Variants in ERCC1 observed in about 807,000 individuals in gnomAD.
ERCC1 encodes ERCC excision repair 1, endonuclease non-catalytic subunit, also known as DNA excision repair protein ERCC-1.
Under a neutral mutation model 37.6 loss-of-function variants are expected in ERCC1, and 36 were observed. The ratio of observed to expected loss-of-function variants is 0.96; its 90% CI spans 0.73 to 1.26. The LOEUF (loss-of-function observed/expected upper bound fraction) is 1.26, where lower values mean the gene tolerates loss of function less well. ERCC1 is among the 50% of genes most tolerant of loss of function. The pLI, the probability that ERCC1 is intolerant of heterozygous loss-of-function variation, is 0.00. For synonymous variants in ERCC1, 156 were observed against 162.1 expected (o/e 0.96, Z 0.28); for missense variants, 349 against 376.5 (o/e 0.93, Z 0.60).
At chr19:45,446,119 C>T (rs978276723) in intron 1 of ERCC1, among the ~76,000 whole-genome samples, 3 of 151,982 alleles carry the variant, frequency 2.0e-5, no homozygotes, top group Non-Finnish European at 2.9e-5. Flanking sequence ...AGGCTGGTCT[C>T]GAACTCCTGA....
chr19:45,407,678 G>T lies in ERCC1; in HGVS notation c.*1997C>A. 2 of 251,414 alleles carry T rather than the reference G, an allele frequency of 8.0e-6. No individual in the cohort carries two copies. Among genetic ancestry groups the T allele is most frequent in the Non-Finnish European group, 7.6e-6 (1 of 131,324 alleles). The allele number at this position is 251,414 out of a possible 1,614,324, so 15.6% of individuals were successfully genotyped here. A position where few individuals can be genotyped will look rare whatever the true frequency, so the allele number is the denominator to read the frequency against. ...ATAATTGGTGGTCAGCCTGGGATGTGGTTATTTTCAGGCCATAAGCATGAA... is the reference window on the plus strand; with the variant it reads ...ATAATTGGTGGTCAGCCTGGGATGTTGTTATTTTCAGGCCATAAGCATGAA... On this transcript the variant is annotated 3_prime_UTR_variant, in exon 10 of 10. Transcript: ENST00000300853.
intron 1 of ERCC1, among the ~76,000 whole-genome samples, chr19:45,447,696 C>A (rs888810361): frequency 6.6e-6 from 1 of 152,038 alleles, no homozygotes; most frequent in South Asian, 2.1e-4. Context: ...CTCTAACTGC[C>A]GCAGAATGAC....
upstream of ERCC1, chr19:45,428,820 G>C (rs1052151869): frequency 1.3e-5 from 2 of 152,070 alleles, no homozygotes; most frequent in Non-Finnish European, 2.9e-5. Flanking sequence ...CGCGCGGCCC[G>C]GCGATCGCGG....
chr19:45,424,938 T>TC (rs1974639743), upstream of ERCC1, among the ~76,000 whole-genome samples: 14 of 150,408 alleles, frequency 9.3e-5, no homozygotes. Flanking sequence ...TTTTTTTTTT[T>TC]CGAGACGGAG....
intron 1 of ERCC1, among the ~76,000 whole-genome samples, chr19:45,442,399 G>A (rs2123607130): frequency 6.6e-6 from 1 of 152,022 alleles, no homozygotes; most frequent in Non-Finnish European, 1.5e-5. Context: ...CTCCCACTCT[G>A]ATCCCCACTT....
chr19:45,443,209 G>T (rs776121965), intron 1 of ERCC1, among the ~76,000 whole-genome samples: 6 of 152,136 alleles, frequency 3.9e-5, no homozygotes, highest in Non-Finnish European at 5.9e-5. Context: ...CTCCAAGGAG[G>T]TATGGCTGTA....
intron 1 of ERCC1, among the ~76,000 whole-genome samples, chr19:45,441,759 C>T (rs2123605118): frequency 6.6e-6 from 1 of 151,598 alleles, no homozygotes; most frequent in Non-Finnish European, 1.5e-5. Flanking sequence ...CTCACTGCAA[C>T]CTCTGCCTCC....
chr19:45,435,584 T>G (rs55692104), intron 1 of ERCC1, among the ~76,000 whole-genome samples: 12,009 of 152,172 alleles, frequency 0.079, 1,536 homozygotes, highest in African/African-American at 0.27. Context: ...TACCTCAGCC[T>G]CACAAGTAGC....
At chr19:45,416,671 T>C in intron 6 of ERCC1, 150 bp downstream of exon 6, 1 of 648,454 alleles carries the variant, frequency 1.5e-6, no homozygotes, top group Non-Finnish European at 2.7e-6. Context: ...GACCTTGTTT[T>C]ACAGATGAGG....
At position 45,408,399 on chromosome 19, in the gene ERCC1, G is replaced by A; in HGVS notation, c.*1276C>T. On this transcript the variant is annotated 3_prime_UTR_variant, in exon 10 of 10. Transcript: ENST00000300853. Reference sequence around the variant, plus strand: ...AGTCCCCCACCACAGATCCCTCCTGGCCTGAGGCCTCGGTTCTGTGCCTTT... The same window carrying A: ...AGTCCCCCACCACAGATCCCTCCTGACCTGAGGCCTCGGTTCTGTGCCTTT... 1.2e-6 allele frequency: 2 copies of A among 1,613,242 alleles called. No individual in the cohort carries two copies. The highest frequency in any genetic ancestry group is 1.7e-6 in the Non-Finnish European group (2 of 1,179,644).
chr19:45,445,968 A>C (rs2123617490), intron 1 of ERCC1, among the ~76,000 whole-genome samples: 1 of 152,160 alleles, frequency 6.6e-6, no homozygotes, highest in Non-Finnish European at 1.5e-5. Flanking sequence ...GGCTCACTGC[A>C]ACCTCCGCCT....
chr19:45,427,446 T>C (rs370201125), upstream of ERCC1, among the ~76,000 whole-genome samples: 5 of 145,102 alleles, frequency 3.4e-5, no homozygotes, highest in African/African-American at 1.1e-4. Flanking sequence ...TTGTCTCTAC[T>C]AAAAAATACA....
chr19:45,409,744 A>G lies in ERCC1; in HGVS notation c.844-19T>C, dbSNP rs769193174. 9 of 789,508 alleles carry G rather than the reference A, an allele frequency of 1.1e-5. No individual in the cohort carries two copies. The highest frequency in any genetic ancestry group is 3.4e-5 in the African/African-American group (2 of 59,300). 48.9% of individuals were successfully genotyped at this position (789,508 alleles called of 1,614,324 possible). Reference sequence around the variant, plus strand: ...TCCGGGCCTGGATGGGAGGGAGAAAAAAATGAGGAACCAGTCATTAAAGGA... The same window carrying G: ...TCCGGGCCTGGATGGGAGGGAGAAAGAAATGAGGAACCAGTCATTAAAGGA... On this transcript the variant is annotated intron_variant, in intron 9 of 9. Transcript: ENST00000300853.
chr19:45,427,806 G>A (rs1487282768), upstream of ERCC1, among the ~76,000 whole-genome samples: 1 of 152,174 alleles, frequency 6.6e-6, no homozygotes, highest in Admixed American at 6.6e-5. Flanking sequence ...AGGATTGGAA[G>A]TGTTGGGGAG....
intron 1 of ERCC1, among the ~76,000 whole-genome samples, chr19:45,441,524 C>A (rs1320438134): frequency 6.6e-6 from 1 of 152,196 alleles, no homozygotes; most frequent in Non-Finnish European, 1.5e-5. Context: ...CAGGCGCCTG[C>A]TACCAAGCCT....
At chr19:45,438,484 A>G (rs1975039263) in intron 1 of ERCC1, among the ~76,000 whole-genome samples, 1 of 151,234 alleles carries the variant, frequency 6.6e-6, no homozygotes, top group Non-Finnish European at 1.5e-5. Context: ...TTATTTTAAG[A>G]CAGTCTCACT....
chr19:45,421,110 G>C (rs1438663637), intron 3 of ERCC1, 68 bp downstream of exon 3: 1 of 1,328,276 alleles, frequency 7.5e-7, no homozygotes, highest in South Asian at 1.2e-5. Flanking sequence ...CCTTGCACTG[G>C]AGTCATCCCT....
At position 45,420,243 on chromosome 19, in the gene ERCC1, C is replaced by T; in HGVS notation, c.425+81G>A. 1 of 912,344 alleles carries T rather than the reference C, an allele frequency of 1.1e-6. No individual in the cohort carries two copies. Among genetic ancestry groups the T allele is most frequent in the Non-Finnish European group, 1.8e-6 (1 of 565,878 alleles). 56.5% of individuals were successfully genotyped at this position (912,344 alleles called of 1,614,324 possible). ...CCATGCCCAGAGGCTTCTCATAGAA[C>T]AGTCCAGAACACTGGGACATGACCC... On this transcript the variant is annotated intron_variant, in intron 4 of 9. Coordinates refer to ENST00000300853, the MANE Select transcript of ERCC1 (RefSeq NM_001983.4). This position sits in a 1 kb window ranked among gnomAD's most constrained non-coding sequence, Gnocchi z 4.8.
intron 1 of ERCC1, among the ~76,000 whole-genome samples, chr19:45,434,907 C>A (rs543437058): frequency 4.7e-4 from 71 of 152,126 alleles, no homozygotes; most frequent in African/African-American, 1.6e-3. Context: ...TCCTGAGTAG[C>A]TGGGATTACA....
Sources: allele counts gnomAD v4.1 joint callset (sites outside exome capture counted in the v4.1 genomes callset), GRCh38; gene constraint gnomAD v4.1.1; non-coding constraint Gnocchi (gnomAD v3.1); transcripts MANE v1.5; gene names NCBI Gene and HGNC (gene_info 2026-07-23, HGNC 2026-07-21).